Variants in CCSER1 observed in about 807,000 individuals in gnomAD.
CCSER1 encodes serine-rich coiled-coil domain-containing protein 1.
CCSER1 carries 41 observed loss-of-function variants against 82.0 expected under a neutral mutation model. That is an observed-to-expected ratio of 0.50 (90% CI 0.39 to 0.65). The LOEUF is 0.65. Ranked by LOEUF, CCSER1 falls within the 30% of genes least tolerant of loss-of-function variation. The pLI, the probability that CCSER1 is intolerant of heterozygous loss-of-function variation, is 0.00. For missense variants in CCSER1, 1,119 were observed against 1,064.2 expected (o/e 1.05, Z -0.72); for synonymous variants, 414 against 383.9 (o/e 1.08, Z -0.92).
Position 90,429,108 on chromosome 4 carries a change from A to G in CCSER1, c.1603+28979A>G, listed in dbSNP as rs981359392. Among the ~76,000 whole-genome samples, 5 of 152,014 alleles carry G rather than the reference A, an allele frequency of 3.3e-5. No individual in the cohort carries two copies. The East Asian group carries it at 9.6e-4, about 29-fold the overall frequency. ...TGGGGGGTATTATATAGGAACCGTCAGTACTATCAGCTCGCTTATTTTGTA... is the reference window on the plus strand; with the variant it reads ...TGGGGGGTATTATATAGGAACCGTCGGTACTATCAGCTCGCTTATTTTGTA... On this transcript the variant is annotated intron_variant, in intron 4 of 10. Coordinates refer to ENST00000509176, the MANE Select transcript of CCSER1 (RefSeq NM_001145065.2).
In CCSER1 at chr4:90,256,969, T is replaced by A. The variant is rs968622838; in HGVS notation, c.-41-51275T>A. On this transcript the variant is annotated intron_variant, in intron 1 of 10. Transcript: ENST00000509176. Reference sequence around the variant, plus strand: ...AATTAAATTTTACCATATATATGTATGTATAAGAAAATACATAGTATTTAT... The same window carrying A: ...AATTAAATTTTACCATATATATGTAAGTATAAGAAAATACATAGTATTTAT... Among the ~76,000 whole-genome samples, 7 of 152,124 alleles carry A rather than the reference T, an allele frequency of 4.6e-5. No individual in the cohort carries two copies. The East Asian group carries it at 7.7e-4, about 17-fold the overall frequency.
chr4:90,717,191 A>G (rs1741783863), intron 6 of CCSER1, among the ~76,000 whole-genome samples: 1 of 152,146 alleles, frequency 6.6e-6, no homozygotes. Flanking sequence ...CCTTGATTAT[A>G]TGCTCACATC....
At chr4:91,238,970 C>G (rs565773134) in intron 10 of CCSER1, among the ~76,000 whole-genome samples, 1 of 151,980 alleles carries the variant, frequency 6.6e-6, no homozygotes, top group Non-Finnish European at 1.5e-5. Flanking sequence ...ACTACAGGTG[C>G]CCACCACCGT....
intron 1 of CCSER1, among the ~76,000 whole-genome samples, chr4:90,287,202 T>TA (rs148439603): frequency 1.6e-4 from 24 of 150,918 alleles, no homozygotes; most frequent in Middle Eastern, 3.4e-3. Context: ...CATTAATAAT[T>TA]AAAAAAAAAC....
intron 10 of CCSER1, among the ~76,000 whole-genome samples, chr4:91,478,555 T>G (rs969409071): frequency 6.6e-6 from 1 of 151,978 alleles, no homozygotes; most frequent in African/African-American, 2.4e-5. Context: ...TAGGCAAATG[T>G]ATTAAATTCT....
chr4:90,309,556 T>C lies in CCSER1; in HGVS notation c.1272T>C (p.Asp424=), dbSNP rs769695835. The C allele has an allele frequency of 2.5e-6, 4 of 1,606,510 alleles. No homozygotes were observed. Among genetic ancestry groups the C allele is most frequent in the Non-Finnish European group, 3.4e-6 (4 of 1,177,514 alleles). ...CAAAGATAATACCTACTTCTGGTGA[T>C]CATCATATTTTTAACAAAACATCAC... The part of the protein sequence containing the change: ...SDSKIIPTSG[D]HHIFNKTSHG... Residue 424 remains aspartate, a synonymous_variant, in exon 2 of 11, where the codon GAT becomes GAC. Coordinates refer to ENST00000509176, the MANE Select transcript of CCSER1 (RefSeq NM_001145065.2).
chr4:90,931,218 T>G (rs1450297477), intron 9 of CCSER1, among the ~76,000 whole-genome samples: 1 of 150,938 alleles, frequency 6.6e-6, no homozygotes, highest in Non-Finnish European at 1.5e-5. Flanking sequence ...GTACAAAAAG[T>G]TTGCTTTTAT....
intron 10 of CCSER1, among the ~76,000 whole-genome samples, chr4:91,370,344 T>C (rs555822762): frequency 6.6e-6 from 1 of 152,270 alleles, no homozygotes; most frequent in East Asian, 1.9e-4. Flanking sequence ...GAAAATATAA[T>C]TGAGAAATAC....
intron 5 of CCSER1, among the ~76,000 whole-genome samples, chr4:90,568,797 C>T (rs1455842734): frequency 6.9e-6 from 1 of 145,210 alleles, no homozygotes; most frequent in Non-Finnish European, 1.5e-5. Flanking sequence ...CAGTCTCACT[C>T]TGTCGCCCAG....
At chr4:90,530,786 T>G (rs971862722) in intron 5 of CCSER1, among the ~76,000 whole-genome samples, 1 of 152,098 alleles carries the variant, frequency 6.6e-6, no homozygotes, top group Admixed American at 6.6e-5. Context: ...GTTTTCAGGG[T>G]CTTATCTGCT....
intron 9 of CCSER1, among the ~76,000 whole-genome samples, chr4:90,957,700 GTATA>G (rs10553389): frequency 2.0e-4 from 27 of 133,598 alleles, no homozygotes; most frequent in Admixed American, 2.5e-4. Flanking sequence ...ATTTCATGGT[GTATA>G]TATATATATA....
intron 4 of CCSER1, among the ~76,000 whole-genome samples, chr4:90,414,342 T>C (rs1208676326): frequency 6.6e-6 from 1 of 151,970 alleles, no homozygotes; most frequent in East Asian, 1.9e-4. Context: ...TTCTGAAAAA[T>C]GTTTTCTGGA....
chr4:90,797,662 A>G (rs56876351), intron 7 of CCSER1, among the ~76,000 whole-genome samples: 52,940 of 151,976 alleles, frequency 0.35, 9,587 homozygotes, highest in African/African-American at 0.46. Flanking sequence ...TTGTAAGGCA[A>G]GTCTGGTGGT....
At chr4:90,182,979 C>T (rs1009108065) in intron 1 of CCSER1, among the ~76,000 whole-genome samples, 1 of 151,932 alleles carries the variant, frequency 6.6e-6, no homozygotes, top group African/African-American at 2.4e-5. Flanking sequence ...TAATTACACA[C>T]AAAAATATTT....
At chr4:90,652,706 G>A (rs112757171) in intron 6 of CCSER1, among the ~76,000 whole-genome samples, 63 of 152,206 alleles carry the variant, frequency 4.1e-4, no homozygotes, top group African/African-American at 1.4e-3. Context: ...ATAATGACAA[G>A]GACCATTTAA....
intron 1 of CCSER1, among the ~76,000 whole-genome samples, chr4:90,164,516 T>C (rs571539986): frequency 6.6e-6 from 1 of 152,192 alleles, no homozygotes; most frequent in East Asian, 1.9e-4. Context: ...TATGCTGAAG[T>C]AGCACAGATA....
chr4:91,595,943 T>TAAAAAAA (rs1170927227), intron 10 of CCSER1, among the ~76,000 whole-genome samples: 1 of 78,866 alleles, frequency 1.3e-5, no homozygotes, highest in Non-Finnish European at 2.3e-5. Flanking sequence ...ACAGAGAACT[T>TAAAAAAA]AAAAAAAAAA....
chr4:91,362,079 G>A (rs1749285450), intron 10 of CCSER1, among the ~76,000 whole-genome samples: 1 of 151,854 alleles, frequency 6.6e-6, no homozygotes, highest in Non-Finnish European at 1.5e-5. Flanking sequence ...ACATATTTGA[G>A]AGACTGCAAG....
chr4:90,476,968 A>G (rs1765200620), intron 5 of CCSER1, among the ~76,000 whole-genome samples: 1 of 152,228 alleles, frequency 6.6e-6, no homozygotes, highest in Non-Finnish European at 1.5e-5. Flanking sequence ...TTTATAGAGT[A>G]CTATAAATAC....
Sources: allele counts gnomAD v4.1 joint callset (sites outside exome capture counted in the v4.1 genomes callset), GRCh38; gene constraint gnomAD v4.1.1; transcripts MANE v1.5; gene names NCBI Gene and HGNC (gene_info 2026-07-23, HGNC 2026-07-21).